FER: variants seen among roughly 807,000 people sequenced by gnomAD.
The protein encoded by FER is FER tyrosine kinase.
Under a neutral mutation model 111.0 loss-of-function variants are expected in FER, and 63 were observed. That is an observed-to-expected ratio of 0.57 (90% CI 0.46 to 0.70). The LOEUF is 0.70. FER is among the 30% of genes least tolerant of loss of function. FER has a pLI of 0.00. For missense variants in FER, 914 were observed against 954.0 expected, an observed-to-expected ratio of 0.96 and a Z score of 0.55; for synonymous variants, 327 against 313.9, an observed-to-expected ratio of 1.04 and a Z score of -0.44.
chr5:108,967,381 T>G (rs1193049758), intron 13 of FER, among the ~76,000 whole-genome samples: 1 of 152,106 alleles, frequency 6.6e-6, no homozygotes, highest in African/African-American at 2.4e-5. Flanking sequence ...GGGCTCAGAA[T>G]AGGGGAGTGT....
intron 13 of FER, among the ~76,000 whole-genome samples, chr5:109,012,887 T>A (rs1328745076): frequency 6.6e-6 from 1 of 152,124 alleles, no homozygotes; most frequent in East Asian, 1.9e-4. Flanking sequence ...AAAGTCATAC[T>A]TGATAGACTT....
At chr5:109,064,723 G>C (rs1362430906) in intron 16 of FER, among the ~76,000 whole-genome samples, 1 of 152,106 alleles carries the variant, frequency 6.6e-6, no homozygotes, top group African/African-American at 2.4e-5. Context: ...GACAAAGCAT[G>C]TTCTGAACCA....
chr5:108,938,869 G>A (rs1336957816), intron 10 of FER, among the ~76,000 whole-genome samples: 1 of 151,988 alleles, frequency 6.6e-6, no homozygotes, highest in Non-Finnish European at 1.5e-5. Flanking sequence ...GGACAAAAAT[G>A]TTTCCCCTTC....
chr5:109,129,145 A>G (rs761853203), intron 17 of FER, among the ~76,000 whole-genome samples: 2 of 152,016 alleles, frequency 1.3e-5, no homozygotes, highest in Non-Finnish European at 2.9e-5. Context: ...TATTGGTGGT[A>G]GAGCTGGGGT....
rs1423013272 is a variant in FER, at chr5:109,190,006, A to C, written c.*2431A>C. On this transcript the variant is annotated 3_prime_UTR_variant, in exon 20 of 20. Transcript: ENST00000281092. ...TGGTATAGTTCAGGATTAATAACTT[A>C]TTGGGAGTCTCTCAGTCATATAGAA... 2 of 152,188 alleles carry C rather than the reference A, an allele frequency of 1.3e-5. No individual in the cohort carries two copies. The highest frequency in any genetic ancestry group is 1.3e-4 in the Admixed American group (2 of 15,276). 9.4% of individuals were successfully genotyped at this position (152,188 alleles called of 1,614,324 possible).
intron 10 of FER, among the ~76,000 whole-genome samples, chr5:108,898,607 TTTCCTTCC>T (rs974127712): frequency 7.0e-5 from 8 of 114,834 alleles, no homozygotes; most frequent in East Asian, 6.6e-4. Context: ...TCCCCTCCCC[TTTCCTTCC>T]TTCCTTCCTT....
At chr5:109,070,382 G>T (rs770820581) in intron 16 of FER, among the ~76,000 whole-genome samples, 2 of 151,884 alleles carry the variant, frequency 1.3e-5, no homozygotes, top group African/African-American at 4.8e-5. Flanking sequence ...ATTTTGAAAA[G>T]GAGTATTTTA....
chr5:108,794,771 A>T (rs1304967026), intron 2 of FER, among the ~76,000 whole-genome samples: 2 of 151,908 alleles, frequency 1.3e-5, no homozygotes, highest in Non-Finnish European at 2.9e-5. Context: ...TGGGATCTCC[A>T]TTGGATGTTA....
At chr5:108,968,827 A>T (rs1760243454) in intron 13 of FER, among the ~76,000 whole-genome samples, 1 of 152,136 alleles carries the variant, frequency 6.6e-6, no homozygotes. Flanking sequence ...TTCAATATAC[A>T]GTGTGCTACT....
At chr5:108,918,555 C>T (rs1752576562) in intron 10 of FER, among the ~76,000 whole-genome samples, 1 of 149,478 alleles carries the variant, frequency 6.7e-6, no homozygotes, top group African/African-American at 2.5e-5. Flanking sequence ...GGTGCGATCT[C>T]TGCTCACTGC....
At chr5:109,044,958 A>T in intron 15 of FER, 163 bp downstream of exon 15, 1 of 453,612 alleles carries the variant, frequency 2.2e-6, no homozygotes, top group African/African-American at 2.0e-5. Flanking sequence ...TCTGCAGATC[A>T]ATTCAGCAAT....
chr5:108,884,561 T>C (rs1322684899), intron 9 of FER, among the ~76,000 whole-genome samples: 1 of 151,648 alleles, frequency 6.6e-6, no homozygotes, highest in Admixed American at 6.6e-5. Context: ...GTCTCTACTT[T>C]CTCAGATTTT....
intron 5 of FER, 64 bp downstream of exon 5, chr5:108,835,871 C>G: frequency 4.5e-6 from 4 of 896,988 alleles, no homozygotes; most frequent in Non-Finnish European, 6.7e-6. Context: ...TGAAAGTTAT[C>G]TTTGTAAGTA....
At chr5:109,055,006 C>T (rs913427859) in intron 16 of FER, among the ~76,000 whole-genome samples, 2 of 152,114 alleles carry the variant, frequency 1.3e-5, no homozygotes. Context: ...AGTCTTGACT[C>T]AGAAATAAAT....
intron 5 of FER, among the ~76,000 whole-genome samples, chr5:108,840,127 G>A (rs1275568568): frequency 6.6e-6 from 1 of 152,122 alleles, no homozygotes; most frequent in Non-Finnish European, 1.5e-5. Context: ...TATGTTTCAG[G>A]CGTCATATAC....
intron 9 of FER, among the ~76,000 whole-genome samples, chr5:108,889,504 T>G (rs1747692030): frequency 6.6e-6 from 1 of 151,884 alleles, no homozygotes; most frequent in African/African-American, 2.4e-5. Flanking sequence ...ATTAAAACAT[T>G]TGAACTCCTG....
At chr5:108,873,289 T>A (rs548289011) in intron 8 of FER, among the ~76,000 whole-genome samples, 1 of 152,184 alleles carries the variant, frequency 6.6e-6, no homozygotes, top group African/African-American at 2.4e-5. Flanking sequence ...ATTACAGGCA[T>A]GTGCCACCAT....
At chr5:108,903,085 A>G (rs886732414) in intron 10 of FER, among the ~76,000 whole-genome samples, 27 of 151,950 alleles carry the variant, frequency 1.8e-4, no homozygotes, top group African/African-American at 6.5e-4. Flanking sequence ...TGGACCAAAC[A>G]TATAATAATT....
intron 9 of FER, among the ~76,000 whole-genome samples, chr5:108,887,542 A>AGG (rs1291988088): frequency 6.6e-6 from 1 of 151,654 alleles, no homozygotes; most frequent in Admixed American, 6.6e-5. Context: ...AGAATGAAAG[A>AGG]AATAAAACCA....
Sources: allele counts gnomAD v4.1 joint callset (sites outside exome capture counted in the v4.1 genomes callset), GRCh38; gene constraint gnomAD v4.1.1; transcripts MANE v1.5; gene names NCBI Gene and HGNC (gene_info 2026-07-23, HGNC 2026-07-21).